The following TARS3 variants were observed in gnomAD, a reference collection of about 807,000 sequenced individuals.
TARS3 encodes threonine--tRNA ligase 2, cytoplasmic.
TARS3 carries 94 observed loss-of-function variants against 103.5 expected under a neutral mutation model. The observed-to-expected ratio is 0.91, with a 90% CI of 0.77 to 1.08. The LOEUF (loss-of-function observed/expected upper bound fraction) is 1.08, where lower values mean the gene tolerates loss of function less well. Ranked by LOEUF, TARS3 falls within the 50% of genes least tolerant of loss-of-function variation. TARS3 has a pLI of 0.00. For missense variants in TARS3, 952 were observed against 995.2 expected, an observed-to-expected ratio of 0.96 and a Z score of 0.58; for synonymous variants, 416 against 355.4, an observed-to-expected ratio of 1.17 and a Z score of -1.92.
intron 16 of TARS3, among the ~76,000 whole-genome samples, chr15:101,658,688 G>A (rs1210515438): frequency 1.3e-5 from 2 of 152,220 alleles, no homozygotes; most frequent in African/African-American, 4.8e-5. Context: ...AACAAGGTTG[G>A]TGGACAGTCT....
chr15:101,721,032 T>G (rs559655413), intron 3 of TARS3, 94 bp downstream of exon 3: 1 of 1,010,508 alleles, frequency 9.9e-7, no homozygotes, highest in Admixed American at 2.2e-5. Context: ...ATCGTGAGAA[T>G]GGAGTAATAT....
rs531828877 is a variant in TARS3 at position 101,675,875 on chromosome 15, T to G, written c.1651-138A>C. The G allele has an allele frequency of 3.1e-6, 3 of 969,228 alleles. No homozygotes were observed. The African/African-American group carries it at 4.9e-5, about 16-fold the overall frequency. 60.0% of individuals were successfully genotyped at this position (969,228 alleles called of 1,614,324 possible). A position where few individuals can be genotyped will look rare whatever the true frequency, so the allele number is the denominator to read the frequency against. ...TTGATGATCCTGTTTTGGTTGCTTA[T>G]CCAATCCTGAGCTGAACCTTCGTTT... On this transcript the variant is annotated intron_variant, in intron 12 of 18. Coordinates refer to ENST00000335968, the MANE Select transcript of TARS3 (RefSeq NM_152334.3).
chr15:101,721,295 C>A lies in TARS3; in HGVS notation c.397G>T (p.Glu133Ter). The part of the protein sequence containing the change: ...EVKHQPIFIK[E>*]RLKLFEILKK... ...AGTATTTCAAAAAGCTTCAATCTTT[C>A]TTTTATGAAAATTGGTTGATGCTTC... Residue 133 changes from glutamate (E) to a stop codon, truncating the protein, a stop_gained, in exon 3 of 19, where the codon GAA becomes TAA. Coordinates refer to ENST00000335968, the MANE Select transcript of TARS3 (RefSeq NM_152334.3). LOFTEE classifies it high-confidence loss of function. 6.2e-7 allele frequency: 1 copy of A among 1,611,622 alleles called. No individual in the cohort carries two copies. The highest frequency in any genetic ancestry group is 8.5e-7 in the Non-Finnish European group (1 of 1,177,938).
chr15:101,705,325 A>G (rs993171684), intron 7 of TARS3, among the ~76,000 whole-genome samples: 4 of 152,196 alleles, frequency 2.6e-5, no homozygotes, highest in Non-Finnish European at 5.9e-5. Context: ...GACAGTAAGT[A>G]TGAGGCAGAG....
intron 16 of TARS3, among the ~76,000 whole-genome samples, chr15:101,661,000 T>A (rs62027589): frequency 6.6e-6 from 1 of 152,092 alleles, no homozygotes; most frequent in Non-Finnish European, 1.5e-5. Context: ...TCTAATTAGT[T>A]CTAAATCTTT....
chr15:101,653,623 A>G lies in TARS3; in HGVS notation c.*959T>C, dbSNP rs1243626482. ...CTGATATATATTGTTTTGTTTGCCA[A>G]CTGTTTCACTGTTCACATCCCTCAG... On this transcript the variant is annotated 3_prime_UTR_variant, in exon 19 of 19. Coordinates refer to ENST00000335968, the MANE Select transcript of TARS3 (RefSeq NM_152334.3). 6.6e-6 allele frequency: 1 copy of G among 152,280 alleles called. No individual in the cohort carries two copies. The highest frequency in any genetic ancestry group is 2.4e-5 in the African/African-American group (1 of 41,480). 9.4% of individuals were successfully genotyped at this position (152,280 alleles called of 1,614,324 possible). A position where few individuals can be genotyped will look rare whatever the true frequency, so the allele number is the denominator to read the frequency against.
intron 2 of TARS3, among the ~76,000 whole-genome samples, chr15:101,721,922 C>T (rs1900484854): frequency 1.3e-5 from 2 of 152,204 alleles, no homozygotes; most frequent in African/African-American, 2.4e-5. Flanking sequence ...ATATTCAACA[C>T]TTCATAATAA....
intron 10 of TARS3, among the ~76,000 whole-genome samples, chr15:101,686,677 T>C (rs1036010430): frequency 6.6e-6 from 1 of 152,180 alleles, no homozygotes; most frequent in Admixed American, 6.5e-5. Context: ...CTTTGTTGGG[T>C]AAATATTTTA....
rs1197232636 is a variant in TARS3, at chr15:101,653,728, AAAC to A, written c.*851_*853del. The A allele has an allele frequency of 3.3e-5, 5 of 152,256 alleles. No homozygotes were observed. The highest frequency in any genetic ancestry group is 4.8e-5 in the African/African-American group (2 of 41,568). The allele number at this position is 152,256 out of a possible 1,614,324, so 9.4% of individuals were successfully genotyped here. Reference sequence around the variant, plus strand: ...TGAATTTCACAGCATATCGCAAAATAAACAATACTTCTTGTTTGGTAGCTGAAT... The same window carrying A: ...TGAATTTCACAGCATATCGCAAAATAAATACTTCTTGTTTGGTAGCTGAAT... On this transcript the variant is annotated 3_prime_UTR_variant, in exon 19 of 19. Transcript: ENST00000335968.
chr15:101,659,392 T>G (rs1173147797), intron 16 of TARS3, among the ~76,000 whole-genome samples: 1 of 152,202 alleles, frequency 6.6e-6, no homozygotes, highest in Non-Finnish European at 1.5e-5. Flanking sequence ...ACATATTTCC[T>G]TTTGAGCTCT....
chr15:101,707,887 T>G (rs1271899853), intron 6 of TARS3, among the ~76,000 whole-genome samples: 1 of 152,222 alleles, frequency 6.6e-6, no homozygotes, highest in East Asian at 1.9e-4. Flanking sequence ...CTGCAATTTT[T>G]TACCAAAACC....
At chr15:101,702,697 G>A (rs1204565851) in intron 8 of TARS3, among the ~76,000 whole-genome samples, 1 of 152,216 alleles carries the variant, frequency 6.6e-6, no homozygotes, top group Non-Finnish European at 1.5e-5. Context: ...TTGAGCCCAG[G>A]AGGTCGAGGC....
chr15:101,721,687 G>A (rs1900469713), intron 2 of TARS3, among the ~76,000 whole-genome samples: 1 of 152,134 alleles, frequency 6.6e-6, no homozygotes, highest in African/African-American at 2.4e-5. Context: ...TAGAGATGGG[G>A]TTTCGCCATG....
intron 10 of TARS3, among the ~76,000 whole-genome samples, chr15:101,693,429 C>T (rs1017682476): frequency 2.6e-5 from 4 of 152,106 alleles, no homozygotes; most frequent in South Asian, 2.1e-4. Flanking sequence ...ACCACCCCCA[C>T]GATTCAATTA....
At chr15:101,711,370 T>A (rs746617928) in intron 5 of TARS3, among the ~76,000 whole-genome samples, 1 of 152,238 alleles carries the variant, frequency 6.6e-6, no homozygotes, top group Admixed American at 6.5e-5. Context: ...TATAATCATC[T>A]TATGCAATAC....
intron 11 of TARS3, 26 bp from the exon 12 acceptor site, chr15:101,684,263 C>T: frequency 3.1e-6 from 5 of 1,599,844 alleles, no homozygotes; most frequent in Non-Finnish European, 4.3e-6. Flanking sequence ...TAACACACAG[C>T]TTTTACACAG....
At chr15:101,704,001 G>A in intron 7 of TARS3, 64 bp from the exon 8 acceptor site, 4 of 1,173,684 alleles carry the variant, frequency 3.4e-6, no homozygotes, top group Non-Finnish European at 5.0e-6. Flanking sequence ...TTCATTATAA[G>A]CCATAATATC....
intron 15 of TARS3, among the ~76,000 whole-genome samples, chr15:101,667,610 G>T (rs1223738089): frequency 6.6e-6 from 1 of 151,048 alleles, no homozygotes; most frequent in African/African-American, 2.4e-5. Context: ...CACTCTTGTT[G>T]TCCAGGCTGG....
intron 13 of TARS3, among the ~76,000 whole-genome samples, chr15:101,672,115 C>G (rs191127937): frequency 6.6e-6 from 1 of 152,182 alleles, no homozygotes; most frequent in East Asian, 1.9e-4. Context: ...CATGAAAAAG[C>G]AGAAAAGCCT....
Sources: gnomAD v4.1 joint callset for allele counts (sites outside exome capture counted in the v4.1 genomes callset) on GRCh38, gnomAD v4.1.1 for gene constraint, MANE v1.5 for transcripts, NCBI Gene and HGNC (gene_info 2026-07-23, HGNC 2026-07-21) for gene names.